ASB15: variants seen among roughly 807,000 people sequenced by gnomAD.
The protein encoded by ASB15 is ankyrin repeat and SOCS box protein 15.
Under a neutral mutation model 58.0 loss-of-function variants are expected in ASB15, and 54 were observed. That is an observed-to-expected ratio of 0.93 (90% CI 0.75 to 1.17). The LOEUF (loss-of-function observed/expected upper bound fraction) is 1.17. Ranked by LOEUF, ASB15 falls within the 50% of genes most tolerant of loss-of-function variation. The probability of loss-of-function intolerance (pLI) is 0.00; values close to 1 mark genes in which losing one functional copy is unlikely to be tolerated. For synonymous variants in ASB15, 249 were observed against 262.4 expected, an observed-to-expected ratio of 0.95 and a Z score of 0.50; for missense variants, 680 against 707.4, an observed-to-expected ratio of 0.96 and a Z score of 0.44.
At chr7:123,610,103 T>C (rs945955762) in intron 3 of ASB15, among the ~76,000 whole-genome samples, 3 of 152,198 alleles carry the variant, frequency 2.0e-5, no homozygotes, top group Non-Finnish European at 2.9e-5. Flanking sequence ...TGGAAGTGAT[T>C]GTCATCAAAT....
At chr7:123,594,743 G>T (rs566840311) in intron 1 of ASB15, among the ~76,000 whole-genome samples, 17 of 152,272 alleles carry the variant, frequency 1.1e-4, no homozygotes, top group African/African-American at 3.6e-4. Context: ...CGGGGGTCAG[G>T]GACCCACTTA....
chr7:123,628,176 T>C (rs1339573469), intron 9 of ASB15, among the ~76,000 whole-genome samples: 1 of 145,882 alleles, frequency 6.9e-6, no homozygotes, highest in Non-Finnish European at 1.5e-5. Flanking sequence ...TGATGCAAGG[T>C]TGATGGAATA....
At position 123,637,878 on chromosome 7, in the gene ASB15, TAAAAAAAAAAAAA is replaced by T. The variant is rs71161491; in HGVS notation, c.*907_*919del. The T allele has an allele frequency of 3.8e-5, 2 of 52,468 alleles. No individual in the cohort carries two copies. Among genetic ancestry groups the T allele is most frequent in the African/African-American group, 1.3e-4 (2 of 15,620 alleles). The allele number at this position is 52,468 out of a possible 1,614,324, so 3.3% of individuals were successfully genotyped here. ...AAATTCAACATGTCCCCAGATGAAC[TAAAAAAAAAAAAA>T]AAAAAAAAACCTCTTTCCCGAGCTC... On this transcript the variant is annotated 3_prime_UTR_variant, in exon 12 of 12. Transcript: ENST00000451215.
Position 123,611,082 on chromosome 7 carries a change from CAAAAAAAAAAA to C in ASB15, c.-3+2440_-3+2450del, listed in dbSNP as rs34527165. Among the ~76,000 whole-genome samples, 4 of 81,856 alleles carry C rather than the reference CAAAAAAAAAAA, an allele frequency of 4.9e-5. No homozygotes were observed. The East Asian group carries it at 1.6e-3, about 33-fold the overall frequency. 53.7% of individuals were successfully genotyped at this position (81,856 alleles called of 152,430 possible). On this transcript the variant is annotated intron_variant, in intron 3 of 11. Transcript: ENST00000451215. ...TGGGCAAAAGAGCAAAACTCCATCT[CAAAAAAAAAAA>C]AAAAAAAAAAAGAAAAGAAAAATCA... is the stretch of plus-strand genomic sequence containing the variant.
chr7:123,621,966 C>T (rs1801359685), intron 7 of ASB15, among the ~76,000 whole-genome samples: 1 of 152,206 alleles, frequency 6.6e-6, no homozygotes, highest in East Asian at 1.9e-4. Context: ...GCCCTCCATT[C>T]CTGATGGCCT....
chr7:123,597,413 G>T (rs992701384), upstream of ASB15, among the ~76,000 whole-genome samples: 15 of 152,072 alleles, frequency 9.9e-5, no homozygotes, highest in South Asian at 4.1e-4. Context: ...GTTGTTAATT[G>T]CTTACTGTGC....
intron 1 of ASB15, among the ~76,000 whole-genome samples, chr7:123,593,764 T>A (rs1006528966): frequency 6.6e-6 from 1 of 152,278 alleles, no homozygotes; most frequent in African/African-American, 2.4e-5. Flanking sequence ...GTCTTGGGGT[T>A]GCTCTTCTCG....
chr7:123,568,337 ACC>A (rs1798814314), intron 1 of ASB15, among the ~76,000 whole-genome samples: 1 of 151,576 alleles, frequency 6.6e-6, no homozygotes, highest in Non-Finnish European at 1.5e-5. Flanking sequence ...ACGTGGAGAA[ACC>A]CCATCTCTAC....
intron 1 of ASB15, among the ~76,000 whole-genome samples, chr7:123,568,284 G>A (rs529323972): frequency 6.6e-5 from 10 of 152,164 alleles, no homozygotes; most frequent in South Asian, 4.1e-4. Context: ...AGGCTGAGGC[G>A]GGCAGATCGC....
At chr7:123,607,939 C>T (rs899581130) in intron 2 of ASB15, among the ~76,000 whole-genome samples, 1 of 152,130 alleles carries the variant, frequency 6.6e-6, no homozygotes, top group Non-Finnish European at 1.5e-5. Context: ...TTTATATTCC[C>T]CTAGAAACCT....
At chr7:123,620,554 A>ATT (rs869298878) in intron 7 of ASB15, among the ~76,000 whole-genome samples, 1 of 10,056 alleles carries the variant, frequency 9.9e-5, no homozygotes, top group Admixed American at 1.7e-3. Context: ...ATATATATAT[A>ATT]TTTTTTTTTT....
At chr7:123,603,629 G>A (rs1185026754) in intron 1 of ASB15, among the ~76,000 whole-genome samples, 1 of 152,092 alleles carries the variant, frequency 6.6e-6, no homozygotes, top group Non-Finnish European at 1.5e-5. Flanking sequence ...GGAGCTTAAG[G>A]ACATATAGAA....
rs138947607 is a variant in ASB15, at chr7:123,593,703, C to T, written c.-442-10329C>T. The stretch of plus-strand genomic sequence containing the variant: ...TAACCTGACCTTTCTCTCTGGCTGC[C>T]CTTAACATTTTTTCCTTCATTTCAA... On this transcript the variant is annotated intron_variant, in intron 1 of 13. Transcript: ENST00000451558. Among the ~76,000 whole-genome samples, 20 of 152,144 alleles carry T rather than the reference C, an allele frequency of 1.3e-4. 1 individual carries two copies. In the East Asian group the frequency reaches 3.7e-3, roughly 28 times the overall value.
chr7:123,626,435 G>A (rs62474509), intron 8 of ASB15, among the ~76,000 whole-genome samples: 22,138 of 152,006 alleles, frequency 0.15, 1,923 homozygotes, highest in African/African-American at 0.22. Flanking sequence ...TCACACCACC[G>A]CACTCCAGCC....
intron 1 of ASB15, among the ~76,000 whole-genome samples, chr7:123,568,452 T>A (rs1215276098): frequency 6.8e-6 from 1 of 147,768 alleles, no homozygotes; most frequent in Non-Finnish European, 1.5e-5. Flanking sequence ...CCCGGGAGGG[T>A]GGAGGTTGCA....
chr7:123,579,262 G>C (rs1429754574), intron 1 of ASB15, among the ~76,000 whole-genome samples: 1 of 151,824 alleles, frequency 6.6e-6, no homozygotes, highest in Non-Finnish European at 1.5e-5. Context: ...AGTATTTCAT[G>C]GTGTAGATAT....
At chr7:123,601,082 A>G (rs934226265), upstream of ASB15, among the ~76,000 whole-genome samples, 12 of 152,224 alleles carry the variant, frequency 7.9e-5, no homozygotes, top group African/African-American at 2.7e-4. Flanking sequence ...GATAGAGGCC[A>G]GATGGCTTTG....
upstream of ASB15, among the ~76,000 whole-genome samples, chr7:123,599,457 T>C (rs1010725471): frequency 8.5e-5 from 13 of 152,190 alleles, no homozygotes; most frequent in African/African-American, 3.1e-4. Flanking sequence ...TGACTAATCA[T>C]AGCAAGAGCT....
intron 7 of ASB15, chr7:123,620,304 A>G (rs150820824): frequency 1.2e-3 from 188 of 151,888 alleles, no homozygotes; most frequent in African/African-American, 4.2e-3. Flanking sequence ...GGGCTTCTGT[A>G]GCTAGAAGGA....
Sources: allele counts gnomAD v4.1 joint callset (sites outside exome capture counted in the v4.1 genomes callset), GRCh38; gene constraint gnomAD v4.1.1; transcripts MANE v1.5; gene names NCBI Gene and HGNC (gene_info 2026-07-23, HGNC 2026-07-21).